The following RAB11FIP5 variants were observed in gnomAD, a reference collection of about 807,000 sequenced individuals.
RAB11FIP5 encodes rab11 family-interacting protein 5.
A neutral mutation model predicts 85.1 loss-of-function variants in RAB11FIP5; 48 were observed. That is an observed-to-expected ratio of 0.56 (90% CI 0.45 to 0.72). The LOEUF (loss-of-function observed/expected upper bound fraction) is 0.72, where lower values mean the gene tolerates loss of function less well. RAB11FIP5 is among the 30% of genes least tolerant of loss of function. RAB11FIP5 has a pLI of 0.00. For synonymous variants in RAB11FIP5, 729 were observed against 727.3 expected (o/e 1.00, Z -0.04); for missense variants, 1,491 against 1,687.0 (o/e 0.88, Z 2.04).
In RAB11FIP5 at chr2:73,112,724, G is replaced by A. The variant is rs1252793832; in HGVS notation, c.54C>T (p.Pro18=). The part of the protein sequence containing the change: ...EPAAGPSRWL[P]THVQVTVLRA... Reference sequence around the variant, plus strand: ...GCAGCACCGTCACCTGGACGTGCGTGGGCAGCCAGCGGGAAGGCCCCGCCG... The same window carrying A: ...GCAGCACCGTCACCTGGACGTGCGTAGGCAGCCAGCGGGAAGGCCCCGCCG... Residue 18 remains proline (P), a synonymous_variant, in exon 1 of 6, where the codon CCC becomes CCT. Coordinates refer to ENST00000486777, the MANE Select transcript of RAB11FIP5 (RefSeq NM_001371272.1). 5.2e-6 allele frequency: 8 copies of A among 1,527,370 alleles called. No individual in the cohort carries two copies. Among genetic ancestry groups the A allele is most frequent in the Non-Finnish European group, 3.5e-6 (4 of 1,138,656 alleles). The allele number at this position is 1,527,370 out of a possible 1,614,324, so 94.6% of individuals were successfully genotyped here.
At chr2:73,108,444 T>C (rs1287911985) in intron 1 of RAB11FIP5, among the ~76,000 whole-genome samples, 1 of 152,120 alleles carries the variant, frequency 6.6e-6, no homozygotes, top group Non-Finnish European at 1.5e-5. Context: ...TCTCCTCCTC[T>C]CCTAAAACAC....
chr2:73,075,640 C>T lies in RAB11FIP5; in HGVS notation c.3856G>A (p.Glu1286Lys), dbSNP rs1406902562. ...ACATGCTCGTCCCGCTGGCTCAGCT[C>T]CCGCTCCCGCTGCAGGAGCAGGCTG... ...LISLLLQRER[E>K]LSQRDEHVQE... is the part of the protein sequence containing the mutation. The change falls in exon 6 of 6, where the codon GAG (glutamate) becomes AAG (lysine). Residue 1286 changes from glutamate (E) to lysine (K), a missense_variant. Glu to Lys is a moderately conservative substitution (Grantham distance 56). Around this residue, in one of 3 missense-constraint regions of RAB11FIP5, gnomAD observed 232 missense variants for 259.1 expected, o/e 0.90. Coordinates refer to ENST00000486777, the MANE Select transcript of RAB11FIP5 (RefSeq NM_001371272.1). The surrounding 1 kb of genome is among the most constrained non-coding windows in gnomAD (Gnocchi z 4.6). 1.9e-6 allele frequency: 3 copies of T among 1,613,816 alleles called. No individual in the cohort carries two copies. The highest frequency in any genetic ancestry group is 1.3e-5 in the African/African-American group (1 of 74,920).
chr2:73,100,760 C>A (rs868471296), intron 1 of RAB11FIP5, among the ~76,000 whole-genome samples: 1 of 151,942 alleles, frequency 6.6e-6, no homozygotes, highest in African/African-American at 2.4e-5. Context: ...AATTGTCACT[C>A]CTGCCATTCC....
intron 1 of RAB11FIP5, among the ~76,000 whole-genome samples, chr2:73,090,978 G>T (rs1320055965): frequency 1.3e-5 from 2 of 152,094 alleles, no homozygotes; most frequent in African/African-American, 4.8e-5. Context: ...TGGCGGTGGG[G>T]GCGTGGGTGG....
At chr2:73,090,975 G>A (rs1684195414) in intron 1 of RAB11FIP5, among the ~76,000 whole-genome samples, 1 of 152,140 alleles carries the variant, frequency 6.6e-6, no homozygotes, top group African/African-American at 2.4e-5. Context: ...AAATGGCGGT[G>A]GGGGCGTGGG....
In RAB11FIP5 at chr2:73,089,123, G is replaced by A. The variant is rs779247458; in HGVS notation, c.624C>T (p.Ala208=). 1.9e-6 allele frequency: 3 copies of A among 1,614,242 alleles called. No homozygotes were observed. The highest frequency in any genetic ancestry group is 1.7e-6 in the Non-Finnish European group (2 of 1,180,032). Residue 208 remains alanine, a synonymous_variant, in exon 2 of 6, where the codon GCC becomes GCT. Transcript: ENST00000486777. The surrounding 1 kb of genome is among the most constrained non-coding windows in gnomAD (Gnocchi z 4.6). ...KGKKKYDLES[A]SAILPSSAIE... is the part of the protein sequence containing the mutation. ...TGGCGCTGCTTGGGAGGATGGCAGA[G>A]GCAGATTCCAGATCATACTTCTTCT...
At chr2:73,093,023 T>C (rs1423682805) in intron 1 of RAB11FIP5, among the ~76,000 whole-genome samples, 1 of 152,178 alleles carries the variant, frequency 6.6e-6, no homozygotes, top group Non-Finnish European at 1.5e-5. Context: ...TCCCTGTGCC[T>C]GGACCAGACA....
intron 1 of RAB11FIP5, among the ~76,000 whole-genome samples, chr2:73,100,116 T>C (rs1684399590): frequency 6.6e-6 from 1 of 152,158 alleles, no homozygotes; most frequent in South Asian, 2.1e-4. Flanking sequence ...TCCCCTCACC[T>C]AGCTTCCCTT....
chr2:73,107,996 C>A (rs1387573795), intron 1 of RAB11FIP5, among the ~76,000 whole-genome samples: 1 of 152,242 alleles, frequency 6.6e-6, no homozygotes, highest in Admixed American at 6.5e-5. Context: ...ACCATCCCAG[C>A]CTTAGGCTAA....
At chr2:73,096,251 CTCA>C (rs1684317346) in intron 1 of RAB11FIP5, among the ~76,000 whole-genome samples, 1 of 152,216 alleles carries the variant, frequency 6.6e-6, no homozygotes, top group Non-Finnish European at 1.5e-5. Flanking sequence ...TCCCCAGGCC[CTCA>C]TAACCAGCTC....
In RAB11FIP5 at chr2:73,088,918, G is replaced by C; in HGVS notation, c.829C>G (p.Arg277Gly). The C allele has an allele frequency of 6.3e-7, 1 of 1,595,816 alleles. No homozygotes were observed. The highest frequency in any genetic ancestry group is 8.5e-7 in the Non-Finnish European group (1 of 1,170,786). The change falls in exon 2 of 6, where the codon CGC becomes GGC. Residue 277 changes from arginine to glycine, a missense_variant. Physicochemically the swap from Arg to Gly is moderately radical, Grantham distance 125 (BLOSUM62 -2). Coordinates refer to ENST00000486777, the MANE Select transcript of RAB11FIP5 (RefSeq NM_001371272.1). ...YQGPGAELLT[R>G]SPSRSSWLST... ...AGCCAGCTGCTACGGCTTGGTGAGC[G>C]GGTGAGGAGTTCGGCGCCAGGTCCC...
At chr2:73,101,176 G>A (rs527840430) in intron 1 of RAB11FIP5, among the ~76,000 whole-genome samples, 1 of 152,272 alleles carries the variant, frequency 6.6e-6, no homozygotes, top group South Asian at 2.1e-4. Context: ...AGGGAACCTA[G>A]TGTCCAGGGG....
In RAB11FIP5 at chr2:73,088,101, T is replaced by G; in HGVS notation, c.1517A>C (p.Lys506Thr). Residue 506 changes from lysine (K) to threonine (T), a missense_variant, in exon 3 of 6, where the codon AAG becomes ACG. This residue lies in a region of RAB11FIP5 where 1,211 missense variants were observed against 1,338.0 expected (regional missense o/e 0.91). Coordinates refer to ENST00000486777, the MANE Select transcript of RAB11FIP5 (RefSeq NM_001371272.1). ...TTCTCTCAAGCCAAACCAGCTACTC[T>G]TGGCCTTTTCCTCCCCACTGGATGA... Reference protein sequence around the residue: ...HHSSSGEEKAKSSWFGLREAK... With the variant: ...HHSSSGEEKATSSWFGLREAK... 6.2e-7 allele frequency: 1 copy of G among 1,613,000 alleles called. No homozygotes were observed.
rs564533380 is a variant in RAB11FIP5, at chr2:73,104,847, T to C, written c.431+7500A>G. Among the ~76,000 whole-genome samples the C allele has an allele frequency of 4.6e-5, 7 of 152,316 alleles. No homozygotes were observed. The East Asian group carries it at 9.6e-4, about 21-fold the overall frequency. ...CCCTCATTCTCTCACGCTTTTTATA[T>C]GCTGCTTTGTAGAGGAATTGTCCTT... On this transcript the variant is annotated intron_variant, in intron 1 of 5. Coordinates refer to ENST00000486777, the MANE Select transcript of RAB11FIP5 (RefSeq NM_001371272.1).
chr2:73,076,089 A>C lies in RAB11FIP5; in HGVS notation c.3675T>G (p.Ser1225Arg), dbSNP rs1342364055. The change falls in exon 5 of 6, where the codon AGT (serine) becomes AGG (arginine). Residue 1225 changes from serine (S) to arginine (R), a missense_variant. By Grantham distance (110) the Ser-to-Arg change is moderately radical (BLOSUM62 -1). Coordinates refer to ENST00000486777, the MANE Select transcript of RAB11FIP5 (RefSeq NM_001371272.1). The part of the protein sequence containing the change: ...SRSSLSIALS[S>R]GLEKLKTVTS... Reference sequence around the variant, plus strand: ...TGACTGTTTTGAGCTTCTCCAGCCCACTGCTCAGGGCTATGCTCAGACTGG... The same window carrying C: ...TGACTGTTTTGAGCTTCTCCAGCCCCCTGCTCAGGGCTATGCTCAGACTGG... 6.2e-7 allele frequency: 1 copy of C among 1,614,134 alleles called. No homozygotes were observed. The highest frequency in any genetic ancestry group is 8.5e-7 in the Non-Finnish European group (1 of 1,179,966).
rs1683986225 is a variant in RAB11FIP5 at position 73,081,594 on chromosome 2, C to G, written c.1638G>C (p.Trp546Cys). The change falls in exon 4 of 6, where the codon TGG becomes TGC. Residue 546 changes from tryptophan to cysteine, a missense_variant. Transcript: ENST00000486777. This position sits in a 1 kb window ranked among gnomAD's most constrained non-coding sequence, Gnocchi z 4.2. ...ALPHHLPCSP[W>C]APAPPTPAPT... ...GAGCAGGAGTGGGAGGGGCCGGAGC[C>G]CAGGGGGAGCAGGGGAGGTGGTGAG... is the stretch of plus-strand genomic sequence containing the variant. The G allele has an allele frequency of 8.2e-7, 1 of 1,214,228 alleles. No homozygotes were observed. Among genetic ancestry groups the G allele is most frequent in the Non-Finnish European group, 1.0e-6 (1 of 971,832 alleles). 75.2% of individuals were successfully genotyped at this position (1,214,228 alleles called of 1,614,324 possible). A position where few individuals can be genotyped will look rare whatever the true frequency, so the allele number is the denominator to read the frequency against.
At chr2:73,093,736 C>T (rs746009158) in intron 1 of RAB11FIP5, among the ~76,000 whole-genome samples, 18 of 152,346 alleles carry the variant, frequency 1.2e-4, no homozygotes, top group Non-Finnish European at 2.4e-4. Context: ...CTCTCTCCCA[C>T]GACCGTGAGC....
At chr2:73,093,348 C>A (rs879791732) in intron 1 of RAB11FIP5, among the ~76,000 whole-genome samples, 1 of 152,174 alleles carries the variant, frequency 6.6e-6, no homozygotes, top group Admixed American at 6.5e-5. Context: ...CTGAACCAAA[C>A]TCACTCTACA....
intron 1 of RAB11FIP5, among the ~76,000 whole-genome samples, chr2:73,108,483 A>G (rs1247246959): frequency 2.0e-5 from 3 of 152,230 alleles, no homozygotes; most frequent in African/African-American, 7.2e-5. Flanking sequence ...GGGGGCAAAG[A>G]CCAGGTCTCC....
Sources: allele counts gnomAD v4.1 joint callset (sites outside exome capture counted in the v4.1 genomes callset), GRCh38; gene constraint gnomAD v4.1.1; regional missense constraint gnomAD v4.1.1; non-coding constraint Gnocchi (gnomAD v3.1); transcripts MANE v1.5; gene names NCBI Gene and HGNC (gene_info 2026-07-23, HGNC 2026-07-21).